The following UBQLN4 variants were observed in gnomAD, a reference collection of about 807,000 sequenced individuals.
UBQLN4 encodes the protein ubiquilin 4.
A neutral mutation model predicts 60.4 loss-of-function variants in UBQLN4; 11 were observed. The observed-to-expected ratio is 0.18, with a 90% confidence interval of 0.11 to 0.30. The LOEUF (loss-of-function observed/expected upper bound fraction) is 0.30. UBQLN4 is among the 10% of genes least tolerant of loss of function. The pLI, the probability that UBQLN4 is intolerant of heterozygous loss-of-function variation, is 1.00. For missense variants in UBQLN4, 417 were observed against 795.5 expected (o/e 0.52, Z 5.72); for synonymous variants, 258 against 313.1 (o/e 0.82, Z 1.86).
rs1445724758 is a variant in UBQLN4 at position 156,041,529 on chromosome 1, T to C, written c.1609A>G (p.Met537Val). 6.2e-7 allele frequency: 1 copy of C among 1,611,078 alleles called. No homozygotes were observed. Among genetic ancestry groups the C allele is most frequent in the Non-Finnish European group, 8.5e-7 (1 of 1,178,908 alleles). ...GCCAAAAGCTGGATCATCTGCTGCA[T>C]GAGTTGCTGCTGGGCGCTGGAAGCC... ...TGASSAQQQLMQQMIQLLAGS... is the reference protein window; with the variant it reads ...TGASSAQQQLVQQMIQLLAGS... Residue 537 changes from methionine (M) to valine (V), a missense_variant, in exon 10 of 11, where the codon ATG becomes GTG. Coordinates refer to ENST00000368309, the MANE Select transcript of UBQLN4 (RefSeq NM_020131.5).
At chr1:156,037,732 T>C (rs1683446160) in intron 10 of UBQLN4, among the ~76,000 whole-genome samples, 1 of 152,208 alleles carries the variant, frequency 6.6e-6, no homozygotes. Context: ...ACACTGGAGA[T>C]GTTAACAGGC....
intron 2 of UBQLN4, 108 bp from the exon 3 acceptor site, chr1:156,051,435 T>C: frequency 7.5e-7 from 1 of 1,336,296 alleles, no homozygotes; most frequent in Non-Finnish European, 1.0e-6. Flanking sequence ...CCAAGACCCC[T>C]CCTGAGCAGT....
At chr1:156,047,898 A>C (rs1012456563) in intron 5 of UBQLN4, among the ~76,000 whole-genome samples, 1 of 151,822 alleles carries the variant, frequency 6.6e-6, no homozygotes, top group African/African-American at 2.4e-5. Context: ...TCTCAAAAAA[A>C]AAAAAAAAAA....
chr1:156,042,283 A>G, intron 7 of UBQLN4, 47 bp from the exon 8 acceptor site: 1 of 1,531,088 alleles, frequency 6.5e-7, no homozygotes, highest in Non-Finnish European at 8.8e-7. Flanking sequence ...TTTTCACCCT[A>G]AGAATTCCCC....
At position 156,036,347 on chromosome 1, in the gene UBQLN4, C is replaced by T; in HGVS notation, c.*631G>A. 3.0e-6 allele frequency: 3 copies of T among 985,622 alleles called. No individual in the cohort carries two copies. Among genetic ancestry groups the T allele is most frequent in the Non-Finnish European group, 3.6e-6 (3 of 830,000 alleles). The allele number at this position is 985,622 out of a possible 1,614,324, so 61.1% of individuals were successfully genotyped here. A position where few individuals can be genotyped will look rare whatever the true frequency, so the allele number is the denominator to read the frequency against. Reference sequence around the variant, plus strand: ...GCTCCAGCGTTTGTTAATTCCTGTCCAGAGAGCTGTCTCATCTCCCTCTTC... The same window carrying T: ...GCTCCAGCGTTTGTTAATTCCTGTCTAGAGAGCTGTCTCATCTCCCTCTTC... On this transcript the variant is annotated 3_prime_UTR_variant, in exon 11 of 11. Coordinates refer to ENST00000368309, the MANE Select transcript of UBQLN4 (RefSeq NM_020131.5).
chr1:156,048,383 G>C lies in UBQLN4; in HGVS notation c.900+118C>G. 7.9e-7 allele frequency: 1 copy of C among 1,263,160 alleles called. No individual in the cohort carries two copies. Among genetic ancestry groups the C allele is most frequent in the Non-Finnish European group, 1.1e-6 (1 of 928,702 alleles). The allele number at this position is 1,263,160 out of a possible 1,614,324, so 78.2% of individuals were successfully genotyped here. On this transcript the variant is annotated intron_variant, in intron 5 of 10. Transcript: ENST00000368309. The surrounding 1 kb of genome is among the most constrained non-coding windows in gnomAD (Gnocchi z 4.9). Reference sequence around the variant, plus strand: ...CTGTTGAGAACTGCCTTCAAGCCAAGGCCCACCCCTCAGGGGACTGGGGAA... The same window carrying C: ...CTGTTGAGAACTGCCTTCAAGCCAACGCCCACCCCTCAGGGGACTGGGGAA...
intron 5 of UBQLN4, among the ~76,000 whole-genome samples, chr1:156,044,513 T>C (rs1354736380): frequency 2.0e-5 from 3 of 152,104 alleles, no homozygotes; most frequent in Non-Finnish European, 4.4e-5. Flanking sequence ...TCATCTCCTA[T>C]GTAACCCACC....
At chr1:156,038,207 G>A (rs1420552805) in intron 10 of UBQLN4, among the ~76,000 whole-genome samples, 1 of 152,008 alleles carries the variant, frequency 6.6e-6, no homozygotes, top group African/African-American at 2.4e-5. Context: ...GAAACCCCAT[G>A]TCTACTAAAA....
At chr1:156,051,471 G>A (rs1279234931) in intron 2 of UBQLN4, 144 bp from the exon 3 acceptor site, 10 of 1,179,914 alleles carry the variant, frequency 8.5e-6, no homozygotes, top group African/African-American at 6.1e-5. Context: ...GGGTGATGGC[G>A]GGAGGGCAGT....
At chr1:156,051,890 CTGCCTGGACTCCCCCTACCA>C in intron 1 of UBQLN4, 33 bp from the exon 2 acceptor site, 1 of 1,611,832 alleles carries the variant, frequency 6.2e-7, no homozygotes, top group Non-Finnish European at 8.5e-7. Context: ...ACTGTGGAGG[CTGCCTGGACTCCCCCTACCA>C]GGGACCCTGA....
intron 6 of UBQLN4, among the ~76,000 whole-genome samples, chr1:156,043,768 T>C (rs1683628390): frequency 6.6e-6 from 1 of 152,142 alleles, no homozygotes; most frequent in South Asian, 2.1e-4. Context: ...GCTTAGGAAG[T>C]GGGGCCTGGT....
intron 3 of UBQLN4, 85 bp downstream of exon 3, chr1:156,051,025 C>G (rs1572281221): frequency 6.0e-6 from 8 of 1,324,490 alleles, no homozygotes; most frequent in Non-Finnish European, 8.5e-6. Flanking sequence ...AGACCAGGAG[C>G]AGGAACTCCT....
At position 156,042,927 on chromosome 1, in the gene UBQLN4, G is replaced by GA; in HGVS notation, c.1127-15dup. 1 of 1,610,022 alleles carries GA rather than the reference G, an allele frequency of 6.2e-7. No individual in the cohort carries two copies. Among genetic ancestry groups the GA allele is most frequent in the South Asian group, 1.1e-5 (1 of 90,696 alleles). ...TATTGAACATCCCTAGGACAAGGCG[G>GA]AAAAAAAGAAAACAGGAGAGAAAGG... On this transcript the variant is annotated splice_polypyrimidine_tract_variant and intron_variant, in intron 6 of 10. Coordinates refer to ENST00000368309, the MANE Select transcript of UBQLN4 (RefSeq NM_020131.5).
At position 156,050,999 on chromosome 1, in the gene UBQLN4, G is replaced by A; in HGVS notation, c.478+111C>T. 6.5e-6 allele frequency: 7 copies of A among 1,075,376 alleles called. No individual in the cohort carries two copies. Among genetic ancestry groups the A allele is most frequent in the Non-Finnish European group, 9.6e-6 (7 of 730,646 alleles). The allele number at this position is 1,075,376 out of a possible 1,614,324, so 66.6% of individuals were successfully genotyped here. Reference sequence around the variant, plus strand: ...TCAATGTCTGGAACTCTGTCATGGGGTCCCCTATCCCCATCAGACCAGGAG... The same window carrying A: ...TCAATGTCTGGAACTCTGTCATGGGATCCCCTATCCCCATCAGACCAGGAG... On this transcript the variant is annotated intron_variant, in intron 3 of 10. Coordinates refer to ENST00000368309, the MANE Select transcript of UBQLN4 (RefSeq NM_020131.5). The surrounding 1 kb of genome is among the most constrained non-coding windows in gnomAD (Gnocchi z 4.6).
In UBQLN4 at chr1:156,039,566, T is replaced by G. The variant is rs371078882; in HGVS notation, c.1653+1919A>C. Among the ~76,000 whole-genome samples the G allele has an allele frequency of 2.6e-5, 4 of 151,990 alleles. No individual in the cohort carries two copies. In the East Asian group the frequency reaches 5.8e-4, roughly 22 times the overall value. On this transcript the variant is annotated intron_variant, in intron 10 of 10. Coordinates refer to ENST00000368309, the MANE Select transcript of UBQLN4 (RefSeq NM_020131.5). ...CCTGGCTAGCTTGGCTTTTCATTCT[T>G]GTCATTCCTCTAATTATCTCCTGTA...
intron 5 of UBQLN4, among the ~76,000 whole-genome samples, chr1:156,044,721 C>T (rs1468768490): frequency 1.3e-5 from 2 of 152,084 alleles, no homozygotes; most frequent in Non-Finnish European, 2.9e-5. Flanking sequence ...CTTTCCCCAG[C>T]CTCCTTGGAC....
downstream of UBQLN4, among the ~76,000 whole-genome samples, chr1:156,032,293 C>T (rs34444588): frequency 0.49 from 73,422 of 150,758 alleles, 20,174 homozygotes; most frequent in Non-Finnish European, 0.62. Context: ...TGAGCCACCG[C>T]GCCCGGCCAA....
downstream of UBQLN4, among the ~76,000 whole-genome samples, chr1:156,032,264 A>G (rs1445794391): frequency 6.6e-6 from 1 of 151,782 alleles, no homozygotes; most frequent in African/African-American, 2.4e-5. Flanking sequence ...GGCCTCCCAA[A>G]GTGCTGGGAT....
chr1:156,042,718 C>T, intron 7 of UBQLN4, 56 bp downstream of exon 7: 1 of 1,593,318 alleles, frequency 6.3e-7, no homozygotes. Flanking sequence ...AAGAAACTGC[C>T]CCCAACCAAG....
Sources: allele counts gnomAD v4.1 joint callset (sites outside exome capture counted in the v4.1 genomes callset), GRCh38; gene constraint gnomAD v4.1.1; non-coding constraint Gnocchi (gnomAD v3.1); transcripts MANE v1.5; gene names NCBI Gene and HGNC (gene_info 2026-07-23, HGNC 2026-07-21).